The following PHTF2 variants were observed in gnomAD, a reference collection of about 807,000 sequenced individuals.
The protein encoded by PHTF2 is protein PHTF2.
A neutral mutation model predicts 101.2 loss-of-function variants in PHTF2; 60 were observed. That is an observed-to-expected ratio of 0.59 (90% CI 0.48 to 0.73). The LOEUF (loss-of-function observed/expected upper bound fraction) is 0.73. Among genes scored for constraint, PHTF2 ranks in the 30% least tolerant of loss-of-function variants. The pLI is 0.00. For missense variants in PHTF2, 747 were observed against 908.7 expected (o/e 0.82, Z 2.29); for synonymous variants, 311 against 307.3 (o/e 1.01, Z -0.13).
intron 1 of PHTF2, among the ~76,000 whole-genome samples, chr7:77,819,277 T>A (rs775891498): frequency 1.3e-5 from 2 of 152,212 alleles, no homozygotes; most frequent in African/African-American, 2.4e-5. Flanking sequence ...GTATATTGAA[T>A]AAGAGTTGTG....
At chr7:77,826,951 T>C (rs549401625) in intron 1 of PHTF2, among the ~76,000 whole-genome samples, 2 of 152,300 alleles carry the variant, frequency 1.3e-5, no homozygotes, top group Admixed American at 1.3e-4. Context: ...GGCAAAGCCA[T>C]CTTAAAAGAA....
At chr7:77,911,162 G>A (rs1802356919) in intron 9 of PHTF2, among the ~76,000 whole-genome samples, 1 of 151,364 alleles carries the variant, frequency 6.6e-6, no homozygotes, top group Non-Finnish European at 1.5e-5. Context: ...AATGTACCAT[G>A]AGCATTTGTG....
intron 2 of PHTF2, among the ~76,000 whole-genome samples, chr7:77,840,521 T>C (rs918486318): frequency 2.6e-5 from 4 of 152,202 alleles, no homozygotes; most frequent in Admixed American, 2.0e-4. Context: ...TTAATTATAA[T>C]AGAAAGCAAA....
In PHTF2 at chr7:77,951,809, A is replaced by G. The variant is rs1054948955; in HGVS notation, c.2211+97A>G. On this transcript the variant is annotated intron_variant, in intron 18 of 19. Transcript: ENST00000416283. ...AGATATTACTTTGTATGTGGTTTTC[A>G]TGATTATCCAAGTTGTTTCCAAATT... 3 of 604,478 alleles carry G rather than the reference A, an allele frequency of 5.0e-6. No homozygotes were observed. In the East Asian group the frequency reaches 1.0e-4, roughly 20 times the overall value. The allele number at this position is 604,478 out of a possible 1,614,324, so 37.4% of individuals were successfully genotyped here.
chr7:77,875,342 T>G lies in PHTF2; in HGVS notation c.148-18266T>G, dbSNP rs116566716. 7.7e-3 allele frequency among the ~76,000 whole-genome samples: 1,165 copies of G among 152,060 alleles called. 18 individuals are homozygous for G. Among genetic ancestry groups the G allele is most frequent in the African/African-American group, 0.027 (1,123 of 41,514 alleles). ...TTTTTTAAAAAAATAGTTTAATTTTTAAAAAATCTATTCCTGTGTGTGTGT... is the reference window on the plus strand; with the variant it reads ...TTTTTTAAAAAAATAGTTTAATTTTGAAAAAATCTATTCCTGTGTGTGTGT... On this transcript the variant is annotated intron_variant, in intron 3 of 19. Transcript: ENST00000416283.
chr7:77,953,971 C>G, intron 19 of PHTF2, 77 bp downstream of exon 18: 2 of 1,184,120 alleles, frequency 1.7e-6, no homozygotes, highest in Non-Finnish European at 2.5e-6. Context: ...CTCACATGCA[C>G]AGTAATGCGG....
intron 1 of PHTF2, among the ~76,000 whole-genome samples, chr7:77,829,327 G>C (rs1794912891): frequency 6.6e-6 from 1 of 152,132 alleles, no homozygotes. Context: ...AAAGTACACA[G>C]ACTATGCATT....
At chr7:77,941,627 A>G (rs1318422929) in intron 15 of PHTF2, among the ~76,000 whole-genome samples, 1 of 152,172 alleles carries the variant, frequency 6.6e-6, no homozygotes, top group Admixed American at 6.5e-5. Context: ...TTTAATCTCT[A>G]GTCTCCAATT....
chr7:77,884,241 A>T (rs1264320991), intron 3 of PHTF2, among the ~76,000 whole-genome samples: 1 of 152,146 alleles, frequency 6.6e-6, no homozygotes, highest in East Asian at 1.9e-4. Context: ...AAAAAAGAAA[A>T]TTTTCAGTAG....
chr7:77,920,598 T>A, intron 10 of PHTF2, 133 bp downstream of exon 9: 1 of 665,106 alleles, frequency 1.5e-6, no homozygotes. Context: ...ATAACACTGA[T>A]GAAACTGTAA....
chr7:77,832,878 TC>T (rs945107735), intron 1 of PHTF2, among the ~76,000 whole-genome samples: 2 of 151,536 alleles, frequency 1.3e-5, no homozygotes, highest in Non-Finnish European at 2.9e-5. Context: ...CCCAAAACCA[TC>T]CCCCCTACCC....
chr7:77,854,488 C>T (rs999378572), intron 2 of PHTF2, among the ~76,000 whole-genome samples: 1 of 152,128 alleles, frequency 6.6e-6, no homozygotes, highest in African/African-American at 2.4e-5. Flanking sequence ...AAGAGCTCTT[C>T]AGTCAGCAGG....
intron 1 of PHTF2, among the ~76,000 whole-genome samples, chr7:77,803,977 AAAAT>A (rs994717678): frequency 7.2e-5 from 11 of 152,206 alleles, no homozygotes; most frequent in Non-Finnish European, 1.2e-4. Context: ...GACAATGAAA[AAAAT>A]AAATGAAGTA....
At chr7:77,874,137 A>G (rs903935597) in intron 3 of PHTF2, among the ~76,000 whole-genome samples, 2 of 152,194 alleles carry the variant, frequency 1.3e-5, no homozygotes, top group Non-Finnish European at 1.5e-5. Flanking sequence ...CTTGCCTCTC[A>G]TGAGTGATGA....
At chr7:77,865,342 C>T (rs1797968306) in intron 3 of PHTF2, among the ~76,000 whole-genome samples, 1 of 152,128 alleles carries the variant, frequency 6.6e-6, no homozygotes, top group Non-Finnish European at 1.5e-5. Context: ...TCTCCTGCCT[C>T]AGCCCCCTGA....
rs1210225270 is a variant in PHTF2, at chr7:77,836,119, CA to C, written c.-35-4083del. ...GGTAACAAGAGCGAAAACTCCATCT[CA>C]AAAAAAAAAAAAAAAAAAGAAGAGG... On this transcript the variant is annotated intron_variant, in intron 1 of 19. Coordinates refer to ENST00000416283, the Ensembl canonical transcript of PHTF2. 1.8e-3 allele frequency among the ~76,000 whole-genome samples: 116 copies of C among 64,490 alleles called. 1 individual carries two copies. Among genetic ancestry groups the C allele is most frequent in the South Asian group, 3.6e-3 (6 of 1,674 alleles). The allele number at this position is 64,490 out of a possible 152,430, so 42.3% of individuals were successfully genotyped here.
chr7:77,907,728 A>G (rs1303376582), intron 7 of PHTF2: 2 of 152,246 alleles, frequency 1.3e-5, no homozygotes, highest in Admixed American at 1.3e-4. Flanking sequence ...AATTATATAC[A>G]TTGAGACATT....
chr7:77,830,268 G>A lies in PHTF2; in HGVS notation c.-35-9953G>A, dbSNP rs566474042. Among the ~76,000 whole-genome samples the A allele has an allele frequency of 3.9e-5, 6 of 152,338 alleles. No individual in the cohort carries two copies. The South Asian group carries it at 1.2e-3, about 32-fold the overall frequency. On this transcript the variant is annotated intron_variant, in intron 1 of 19. Coordinates refer to ENST00000416283, the Ensembl canonical transcript of PHTF2. ...TCCCCAATGGAAACCTGAAGCCACA[G>A]ATAGTACCAAACCTATATTTGCTGT...
rs190200560 is a variant in PHTF2 at position 77,885,287 on chromosome 7, G to C, written c.148-8321G>C. On this transcript the variant is annotated intron_variant, in intron 3 of 19. Coordinates refer to ENST00000416283, the Ensembl canonical transcript of PHTF2. ...TTTTAATTTTTTTAAATAGAGATGAGGGTCTCACTGTGTTGTCCAGGCCAG... is the reference window on the plus strand; with the variant it reads ...TTTTAATTTTTTTAAATAGAGATGACGGTCTCACTGTGTTGTCCAGGCCAG... Among the ~76,000 whole-genome samples the C allele has an allele frequency of 4.7e-4, 72 of 151,962 alleles. No individual in the cohort carries two copies. The East Asian group carries it at 0.013, about 27-fold the overall frequency.
Sources: allele counts gnomAD v4.1 joint callset (sites outside exome capture counted in the v4.1 genomes callset), GRCh38; gene constraint gnomAD v4.1.1; transcripts MANE v1.5; gene names NCBI Gene and HGNC (gene_info 2026-07-23, HGNC 2026-07-21).